Variants in ZDHHC11 observed in about 807,000 individuals in gnomAD.
ZDHHC11 encodes zDHHC palmitoyltransferase 11.
In ZDHHC11, 44 loss-of-function variants were observed where a neutral mutation model predicts 51.3. The observed-to-expected ratio is 0.86, with a 90% CI of 0.67 to 1.10. ZDHHC11 has a LOEUF of 1.10. Among genes scored for constraint, ZDHHC11 ranks in the 50% least tolerant of loss-of-function variants. The pLI, the probability that ZDHHC11 is intolerant of heterozygous loss-of-function variation, is 0.00. For missense variants in ZDHHC11, 400 were observed against 537.7 expected, an observed-to-expected ratio of 0.74 and a Z score of 2.53; for synonymous variants, 163 against 222.0, an observed-to-expected ratio of 0.73 and a Z score of 2.36.
intron 12 of ZDHHC11, among the ~76,000 whole-genome samples, chr5:798,217 T>C (rs376749251): frequency 1.1e-4 from 16 of 150,352 alleles, no homozygotes; most frequent in South Asian, 2.1e-4. Context: ...TTTGTATCTC[T>C]TGAAAAGGTG....
In ZDHHC11 at chr5:850,803, G is replaced by A; in HGVS notation, c.-201C>T. 1 of 654,738 alleles carries A rather than the reference G, an allele frequency of 1.5e-6. No homozygotes were observed. Among genetic ancestry groups the A allele is most frequent in the South Asian group, 2.0e-5 (1 of 50,620 alleles). The allele number at this position is 654,738 out of a possible 1,614,324, so 40.6% of individuals were successfully genotyped here. ...GAGTCGGTGCAGGGCCCCGCCCAGGGGAATGAACAGACATGCTGCAGAATG... is the reference window on the plus strand; with the variant it reads ...GAGTCGGTGCAGGGCCCCGCCCAGGAGAATGAACAGACATGCTGCAGAATG... On this transcript the variant is annotated 5_prime_UTR_variant, in exon 1 of 13. Coordinates refer to ENST00000283441, the MANE Select transcript of ZDHHC11 (RefSeq NM_024786.3).
upstream of ZDHHC11, among the ~76,000 whole-genome samples, chr5:854,843 A>C (rs1314898831): frequency 9.1e-3 from 668 of 73,632 alleles, no homozygotes; most frequent in Middle Eastern, 0.075. Context: ...GGCACAGACC[A>C]CACAGAGGAC....
intron 10 of ZDHHC11, chr5:816,921 G>C (rs912258926): frequency 4.0e-5 from 16 of 402,142 alleles, no homozygotes; most frequent in African/African-American, 2.3e-4. Context: ...TCTGACCCCA[G>C]TGGGAGACTG....
At chr5:822,107 T>C (rs1017404955) in intron 8 of ZDHHC11, among the ~76,000 whole-genome samples, 4 of 151,404 alleles carry the variant, frequency 2.6e-5, no homozygotes, top group Non-Finnish European at 5.9e-5. Context: ...TCCTCCAAAT[T>C]CATAGGTTGA....
chr5:816,319 T>C lies in ZDHHC11; in HGVS notation c.1147-1524A>G, dbSNP rs1740783637. The C allele has an allele frequency of 8.9e-6, 3 of 335,216 alleles. 1 individual carries two copies. Among genetic ancestry groups the C allele is most frequent in the African/African-American group, 2.2e-5 (1 of 46,356 alleles). The allele number at this position is 335,216 out of a possible 1,614,324, so 20.8% of individuals were successfully genotyped here. A position where few individuals can be genotyped will look rare whatever the true frequency, so the allele number is the denominator to read the frequency against. On this transcript the variant is annotated intron_variant, in intron 10 of 12. Transcript: ENST00000283441. ...TTAACAGAAGATCACAAAGATATTCTCTGGAGGGAGACTCAGAGGCGGACA... is the reference window on the plus strand; with the variant it reads ...TTAACAGAAGATCACAAAGATATTCCCTGGAGGGAGACTCAGAGGCGGACA...
In ZDHHC11 at chr5:807,637, C is replaced by T. The variant is rs368161977; in HGVS notation, c.1182-6473G>A. ...TTCACTGGGCATCCCAAAGCCAGACCCTGGGCAGTGATGTTCACAACTCCA... is the reference window on the plus strand; with the variant it reads ...TTCACTGGGCATCCCAAAGCCAGACTCTGGGCAGTGATGTTCACAACTCCA... On this transcript the variant is annotated intron_variant, in intron 11 of 12. Transcript: ENST00000283441. 1.2e-4 allele frequency among the ~76,000 whole-genome samples: 18 copies of T among 152,124 alleles called. No individual in the cohort carries two copies. The East Asian group carries it at 3.3e-3, about 28-fold the overall frequency.
At chr5:852,337 C>A (rs373730761), upstream of ZDHHC11, among the ~76,000 whole-genome samples, 53 of 152,248 alleles carry the variant, frequency 3.5e-4, no homozygotes, top group East Asian at 5.2e-3. Context: ...GATTTCAGAA[C>A]AGAAAGGTGG....
intron 10 of ZDHHC11, among the ~76,000 whole-genome samples, chr5:818,658 A>G (rs920027038): frequency 3.3e-5 from 5 of 151,672 alleles, no homozygotes; most frequent in Non-Finnish European, 7.4e-5. Flanking sequence ...CAGAAGTTCC[A>G]AACCAGCACG....
intron 8 of ZDHHC11, among the ~76,000 whole-genome samples, chr5:822,951 G>A (rs907259602): frequency 6.7e-6 from 1 of 150,124 alleles, no homozygotes; most frequent in African/African-American, 2.4e-5. Flanking sequence ...TTGTTGCCTT[G>A]GTGAAGAACG....
At chr5:799,757 T>A (rs1738143445) in intron 12 of ZDHHC11, among the ~76,000 whole-genome samples, 1 of 151,710 alleles carries the variant, frequency 6.6e-6, no homozygotes, top group Non-Finnish European at 1.5e-5. Context: ...TTGTCCTCCA[T>A]ACCACTGAGA....
chr5:849,049 C>T (rs917860269), intron 1 of ZDHHC11, among the ~76,000 whole-genome samples: 1 of 151,642 alleles, frequency 6.6e-6, no homozygotes, highest in African/African-American at 2.4e-5. Context: ...CGGCCCTTCA[C>T]ACATGGCCCT....
chr5:814,771 A>T lies in ZDHHC11; in HGVS notation c.1171T>A (p.Ser391Thr), dbSNP rs149632299. 1.3e-6 allele frequency: 2 copies of T among 1,562,262 alleles called. No individual in the cohort carries two copies. The highest frequency in any genetic ancestry group is 2.7e-5 in the African/African-American group (2 of 73,102). The change falls in exon 11 of 13, where the codon TCT (serine) becomes ACT (threonine). Residue 391 changes from serine (S) to threonine (T), a missense_variant. Physicochemically the swap from Ser to Thr is moderately conservative, Grantham distance 58 (BLOSUM62 1). Around this residue, in one of 5 missense-constraint regions of ZDHHC11, gnomAD observed 231 missense variants for 227.4 expected, o/e 1.02. Transcript: ENST00000283441. ...AQEADDAPSI[S>T]TLGLQQETTE... ...AACTTACGAACTTACCCAAGTGTAGATATACTCGGGGCATCATCTGCTTCC... is the reference window on the plus strand; with the variant it reads ...AACTTACGAACTTACCCAAGTGTAGTTATACTCGGGGCATCATCTGCTTCC...
chr5:853,982 C>T (rs1393040161), upstream of ZDHHC11, among the ~76,000 whole-genome samples: 1 of 149,310 alleles, frequency 6.7e-6, no homozygotes, highest in African/African-American at 2.5e-5. Context: ...CCACAGAGGA[C>T]AGTGAGCTGG....
At chr5:808,984 T>TACACACACAC (rs56961185) in intron 11 of ZDHHC11, among the ~76,000 whole-genome samples, 2,126 of 133,718 alleles carry the variant, frequency 0.016, 92 homozygotes, top group African/African-American at 0.05. Flanking sequence ...GACCATCAGT[T>TACACACACAC]ACACACACAC....
chr5:841,100 C>T lies in ZDHHC11; in HGVS notation c.629-450G>A, dbSNP rs533297259. On this transcript the variant is annotated intron_variant, in intron 4 of 12. Coordinates refer to ENST00000283441, the MANE Select transcript of ZDHHC11 (RefSeq NM_024786.3). ...GGTCACAGTGCCCACCCCTTCCTCA[C>T]TAAGTGCCAGGGTCACAGCACCCAT... The T allele has an allele frequency of 6.5e-3, 5,987 of 920,276 alleles. 161 individuals are homozygous for T. The highest frequency in any genetic ancestry group is 7.1e-3 in the Non-Finnish European group (5,625 of 796,916). 57.0% of individuals were successfully genotyped at this position (920,276 alleles called of 1,614,324 possible).
intron 12 of ZDHHC11, among the ~76,000 whole-genome samples, 158 bp downstream of exon 12, chr5:800,942 C>T (rs1303581578): frequency 4.6e-5 from 7 of 151,402 alleles, no homozygotes; most frequent in African/African-American, 1.5e-4. Flanking sequence ...GATGGACACA[C>T]GGTTCCTGTT....
At chr5:836,171 C>CA (rs1197482163) in intron 6 of ZDHHC11, among the ~76,000 whole-genome samples, 1 of 150,232 alleles carries the variant, frequency 6.7e-6, no homozygotes, top group Non-Finnish European at 1.5e-5. Flanking sequence ...ACGTCAGGTA[C>CA]ACAGGGTGCT....
At chr5:856,139 C>T (rs1266431742) in intron 1 of ZDHHC11, among the ~76,000 whole-genome samples, 1 of 152,070 alleles carries the variant, frequency 6.6e-6, no homozygotes, top group Non-Finnish European at 1.5e-5. Flanking sequence ...TCATATACCA[C>T]ACCACACAAT....
At chr5:849,258 C>T (rs1435743435) in intron 1 of ZDHHC11, among the ~76,000 whole-genome samples, 2 of 151,694 alleles carry the variant, frequency 1.3e-5, no homozygotes, top group East Asian at 1.9e-4. Context: ...AGGGCAAATC[C>T]CCCACAGAAT....
Sources: gnomAD v4.1 joint callset for allele counts (sites outside exome capture counted in the v4.1 genomes callset) on GRCh38, gnomAD v4.1.1 for gene constraint, gnomAD v4.1.1 regional missense constraint, MANE v1.5 for transcripts, NCBI Gene and HGNC (gene_info 2026-07-23, HGNC 2026-07-21) for gene names.